TBC1D14: variants seen among roughly 807,000 people sequenced by gnomAD.
TBC1D14 encodes TBC1 domain family member 14, also known as TBC1 domain family, member 14.
TBC1D14 carries 26 observed loss-of-function variants against 79.0 expected under a neutral mutation model. The observed-to-expected ratio is 0.33, with a 90% CI of 0.24 to 0.46. The LOEUF is 0.46. Among genes scored for constraint, TBC1D14 ranks in the 20% least tolerant of loss-of-function variants. The pLI, the probability that TBC1D14 is intolerant of heterozygous loss-of-function variation, is 1.00. For synonymous variants in TBC1D14, 394 were observed against 349.9 expected, an observed-to-expected ratio of 1.13 and a Z score of -1.40; for missense variants, 769 against 887.6, an observed-to-expected ratio of 0.87 and a Z score of 1.70.
chr4:6,978,022 ACGTGAGGAG>A (rs1299716024), intron 3 of TBC1D14, among the ~76,000 whole-genome samples: 1 of 151,404 alleles, frequency 6.6e-6, no homozygotes, highest in East Asian at 2.0e-4. Flanking sequence ...TCCGTCTGGG[ACGTGAGGAG>A]CGACTCCGCC....
chr4:6,916,917 AG>A (rs1723446894), intron 1 of TBC1D14, among the ~76,000 whole-genome samples: 1 of 152,338 alleles, frequency 6.6e-6, no homozygotes, highest in South Asian at 2.1e-4. Context: ...TCACTGCTGC[AG>A]GGAGATGCTG....
chr4:6,937,717 G>A (rs942643140), intron 2 of TBC1D14, among the ~76,000 whole-genome samples: 1 of 152,182 alleles, frequency 6.6e-6, no homozygotes, highest in Admixed American at 6.5e-5. Context: ...GTGTGTACAG[G>A]GAAGGGAGAG....
intron 11 of TBC1D14, among the ~76,000 whole-genome samples, chr4:7,011,756 C>A (rs1720797825): frequency 6.6e-6 from 1 of 151,634 alleles, no homozygotes; most frequent in Non-Finnish European, 1.5e-5. Flanking sequence ...TGGGGTTTTG[C>A]CATGTTGGCC....
At chr4:6,975,648 G>A (rs1304777403) in intron 3 of TBC1D14, among the ~76,000 whole-genome samples, 2 of 152,260 alleles carry the variant, frequency 1.3e-5, no homozygotes, top group Non-Finnish European at 2.9e-5. Context: ...AAAATAGAAA[G>A]TATCAGTAAA....
At chr4:6,982,737 C>G (rs66573146) in intron 3 of TBC1D14, among the ~76,000 whole-genome samples, 15,004 of 152,206 alleles carry the variant, frequency 0.099, 1,247 homozygotes, top group African/African-American at 0.22. Context: ...TGGAAGCTAT[C>G]TAAATGTTTG....
chr4:6,992,935 G>A (rs547860266), intron 3 of TBC1D14, among the ~76,000 whole-genome samples: 1 of 152,332 alleles, frequency 6.6e-6, no homozygotes, highest in East Asian at 1.9e-4. Context: ...ACATCCAGGT[G>A]TACAGAAACT....
intron 2 of TBC1D14, among the ~76,000 whole-genome samples, chr4:6,939,201 C>T (rs1264802655): frequency 6.6e-6 from 1 of 152,174 alleles, no homozygotes; most frequent in Non-Finnish European, 1.5e-5. Flanking sequence ...CATCTTCCAG[C>T]AGGAAGAACC....
intron 7 of TBC1D14, among the ~76,000 whole-genome samples, chr4:7,002,456 A>G (rs751885803): frequency 6.6e-5 from 10 of 152,194 alleles, no homozygotes. Context: ...TATTTAAATT[A>G]AAACCTATGG....
At chr4:6,934,021 G>A (rs948259434) in intron 2 of TBC1D14, among the ~76,000 whole-genome samples, 39 of 152,310 alleles carry the variant, frequency 2.6e-4, no homozygotes, top group African/African-American at 8.9e-4. Context: ...CCAAGTTGGA[G>A]TGAAGATGAG....
At chr4:6,944,399 C>A (rs888016780) in intron 2 of TBC1D14, among the ~76,000 whole-genome samples, 1 of 152,150 alleles carries the variant, frequency 6.6e-6, no homozygotes, top group Non-Finnish European at 1.5e-5. Flanking sequence ...ATGGAATTCC[C>A]CATGGGCTTC....
At chr4:6,928,576 T>C (rs1379126432) in intron 2 of TBC1D14, among the ~76,000 whole-genome samples, 1 of 152,176 alleles carries the variant, frequency 6.6e-6, no homozygotes, top group Non-Finnish European at 1.5e-5. Context: ...CTCATGCCTG[T>C]AATCCCAGCA....
chr4:6,961,002 A>C (rs1577089093), intron 2 of TBC1D14, among the ~76,000 whole-genome samples: 1 of 152,202 alleles, frequency 6.6e-6, no homozygotes, highest in African/African-American at 2.4e-5. Flanking sequence ...CCTAATTATT[A>C]GGACACCGTG....
At chr4:6,911,483 G>A (rs1032474776) in intron 1 of TBC1D14, among the ~76,000 whole-genome samples, 21 of 152,206 alleles carry the variant, frequency 1.4e-4, no homozygotes, top group Non-Finnish European at 2.6e-4. Context: ...CCTGATTCCT[G>A]TTTGTGCAAC....
At chr4:6,975,256 C>G (rs991953852) in intron 3 of TBC1D14, among the ~76,000 whole-genome samples, 2 of 152,108 alleles carry the variant, frequency 1.3e-5, no homozygotes, top group Non-Finnish European at 2.9e-5. Flanking sequence ...GTCCCCCAGG[C>G]TGGAGTGCAG....
intron 1 of TBC1D14, among the ~76,000 whole-genome samples, chr4:6,915,845 T>TG (rs1468655759): frequency 6.6e-6 from 1 of 151,862 alleles, no homozygotes; most frequent in East Asian, 1.9e-4. Context: ...CCTGGCATGG[T>TG]GGCTCACGCC....
chr4:6,925,301 TG>T (rs1724205498), intron 2 of TBC1D14, among the ~76,000 whole-genome samples: 1 of 152,178 alleles, frequency 6.6e-6, no homozygotes, highest in Admixed American at 6.5e-5. Context: ...AATCGTGATC[TG>T]CTCCATAGCT....
intron 1 of TBC1D14, among the ~76,000 whole-genome samples, chr4:6,919,645 G>A (rs940888390): frequency 2.0e-5 from 3 of 151,742 alleles, no homozygotes; most frequent in Non-Finnish European, 2.9e-5. Flanking sequence ...TTTTGAGATG[G>A]AGTCTCCCTC....
At chr4:7,015,917 G>T (rs569806571) in intron 12 of TBC1D14, among the ~76,000 whole-genome samples, 4 of 152,224 alleles carry the variant, frequency 2.6e-5, no homozygotes, top group Non-Finnish European at 5.9e-5. Context: ...GACCAGAAAG[G>T]CACGTTCCAC....
intron 2 of TBC1D14, among the ~76,000 whole-genome samples, chr4:6,954,643 C>T (rs1260001590): frequency 6.6e-6 from 1 of 152,232 alleles, no homozygotes. Flanking sequence ...TTCTGTCGCC[C>T]AGGCTGGAGT....
Sources: allele counts gnomAD v4.1 joint callset (sites outside exome capture counted in the v4.1 genomes callset), GRCh38; gene constraint gnomAD v4.1.1; transcripts MANE v1.5; gene names NCBI Gene and HGNC (gene_info 2026-07-23, HGNC 2026-07-21).